The following PCDH15 variants were observed in gnomAD, a reference collection of about 807,000 sequenced individuals.
PCDH15 encodes the protein protocadherin related 15.
Under a neutral mutation model 178.5 loss-of-function variants are expected in PCDH15, and 129 were observed. The ratio of observed to expected loss-of-function variants is 0.72; its 90% confidence interval spans 0.63 to 0.84. The LOEUF (loss-of-function observed/expected upper bound fraction) is 0.84, where lower values mean the gene tolerates loss of function less well. PCDH15 is among the 40% of genes least tolerant of loss of function. The pLI is 0.00. For synonymous variants in PCDH15, 800 were observed against 732.0 expected, an observed-to-expected ratio of 1.09 and a Z score of -1.50; for missense variants, 2,230 against 2,099.9, an observed-to-expected ratio of 1.06 and a Z score of -1.21.
intron 20 of PCDH15, among the ~76,000 whole-genome samples, chr10:54,004,907 T>A (rs2092328455): frequency 6.7e-6 from 1 of 148,348 alleles, no homozygotes; most frequent in African/African-American, 2.5e-5. Flanking sequence ...TGACTTTAAA[T>A]AATATTACAG....
At chr10:55,034,682 T>C (rs1349507303) in intron 2 of PCDH15, among the ~76,000 whole-genome samples, 1 of 152,176 alleles carries the variant, frequency 6.6e-6, no homozygotes, top group Non-Finnish European at 1.5e-5. Flanking sequence ...AAATAAAATA[T>C]GTCATTTACA....
chr10:53,933,507 C>T (rs573379178), intron 25 of PCDH15, among the ~76,000 whole-genome samples: 152 of 152,096 alleles, frequency 1.0e-3, no homozygotes, highest in African/African-American at 3.6e-3. Context: ...ATGAACTCAT[C>T]CTTTTTTATG....
intron 1 of PCDH15, among the ~76,000 whole-genome samples, chr10:55,173,105 C>CA (rs1302350304): frequency 1.3e-5 from 2 of 151,112 alleles, no homozygotes; most frequent in Non-Finnish European, 2.9e-5. Context: ...ATCAATTCTG[C>CA]AAAAAATTGA....
At chr10:54,547,894 T>C (rs990060379) in intron 2 of PCDH15, among the ~76,000 whole-genome samples, 1 of 151,944 alleles carries the variant, frequency 6.6e-6, no homozygotes, top group African/African-American at 2.4e-5. Context: ...ATTTTCTCAG[T>C]TACCAGCAAT....
chr10:54,451,836 T>C lies in PCDH15; in HGVS notation c.158-72894A>G, dbSNP rs2076500565. ...ATTTTATCAAGCTGAAAACTGATTATGCAACTTTTTGTAAGTACAGAGCAA... is the reference window on the plus strand; with the variant it reads ...ATTTTATCAAGCTGAAAACTGATTACGCAACTTTTTGTAAGTACAGAGCAA... On this transcript the variant is annotated intron_variant, in intron 3 of 37. Transcript: ENST00000644397. 2.0e-5 allele frequency among the ~76,000 whole-genome samples: 3 copies of C among 151,986 alleles called. 1 individual carries two copies. The South Asian group carries it at 6.2e-4, about 31-fold the overall frequency.
chr10:54,262,440 C>A (rs907851557), intron 8 of PCDH15, among the ~76,000 whole-genome samples: 2 of 152,146 alleles, frequency 1.3e-5, no homozygotes, highest in African/African-American at 4.8e-5. Flanking sequence ...GTGTCCACAG[C>A]ACAACATCCA....
At chr10:54,521,544 T>G (rs1316430565) in intron 3 of PCDH15, among the ~76,000 whole-genome samples, 1 of 152,198 alleles carries the variant, frequency 6.6e-6, no homozygotes, top group African/African-American at 2.4e-5. Context: ...TATTGAATCT[T>G]CCCTCTTTAT....
rs11004909 is a variant in PCDH15 at position 55,560,194 on chromosome 10, T to C, written c.-156+67431A>G. Among the ~76,000 whole-genome samples, 889 of 151,914 alleles carry C rather than the reference T, an allele frequency of 5.9e-3. 3 individuals are homozygous for C. The highest frequency in any genetic ancestry group is 0.014 in the Middle Eastern group (4 of 294). On this transcript the variant is annotated intron_variant, in intron 2 of 5. Transcript: ENST00000613346. Reference sequence around the variant, plus strand: ...AGGTCCAGGAAAAAATGTATAGTGATTTTCCCCTCAGCCAGTAGAGGACAT... The same window carrying C: ...AGGTCCAGGAAAAAATGTATAGTGACTTTCCCCTCAGCCAGTAGAGGACAT...
intron 1 of PCDH15, among the ~76,000 whole-genome samples, chr10:55,174,052 A>T (rs903424022): frequency 3.3e-5 from 5 of 152,342 alleles, no homozygotes; most frequent in Non-Finnish European, 5.9e-5. Flanking sequence ...GATCTTTGCT[A>T]TAAAAGTAGA....
chr10:55,565,292 C>A (rs775848431), intron 2 of PCDH15, among the ~76,000 whole-genome samples: 1 of 151,410 alleles, frequency 6.6e-6, no homozygotes, highest in East Asian at 2.0e-4. Context: ...ACAAGTATTT[C>A]GAAATAAATG....
chr10:54,377,849 T>C (rs774470783), intron 4 of PCDH15, among the ~76,000 whole-genome samples: 11 of 152,140 alleles, frequency 7.2e-5, no homozygotes, highest in Admixed American at 2.0e-4. Context: ...AAAGTTACTT[T>C]AGAGAGCTAC....
At chr10:54,754,493 C>T (rs1369588372) in intron 1 of PCDH15, among the ~76,000 whole-genome samples, 1 of 151,972 alleles carries the variant, frequency 6.6e-6, no homozygotes, top group Non-Finnish European at 1.5e-5. Context: ...CATTAATATG[C>T]CGACACACAT....
At chr10:54,710,042 ATACT>A (rs2132344040) in intron 1 of PCDH15, among the ~76,000 whole-genome samples, 1 of 151,674 alleles carries the variant, frequency 6.6e-6, no homozygotes, top group Non-Finnish European at 1.5e-5. Context: ...TCCTGCATAT[ATACT>A]TAAATAAAAA....
chr10:54,699,333 T>C (rs1239472648), intron 1 of PCDH15, among the ~76,000 whole-genome samples: 1 of 152,102 alleles, frequency 6.6e-6, no homozygotes, highest in Non-Finnish European at 1.5e-5. Context: ...AGAAAATGTT[T>C]GCCACATTTC....
intron 25 of PCDH15, among the ~76,000 whole-genome samples, chr10:53,912,862 C>T (rs1017357641): frequency 2.0e-5 from 3 of 152,186 alleles, no homozygotes; most frequent in Admixed American, 6.5e-5. Flanking sequence ...AATGGCCATA[C>T]TGCCCAAGGT....
chr10:55,324,320 C>A (rs1035052418), upstream of PCDH15, among the ~76,000 whole-genome samples: 2 of 152,026 alleles, frequency 1.3e-5, no homozygotes, highest in Non-Finnish European at 2.9e-5. Context: ...AAGCAAGACC[C>A]AACTGTATGC....
At chr10:54,308,336 T>C (rs2060679631) in intron 8 of PCDH15, among the ~76,000 whole-genome samples, 1 of 152,128 alleles carries the variant, frequency 6.6e-6, no homozygotes, top group African/African-American at 2.4e-5. Context: ...ACAAACTCCT[T>C]AACAAGAAGA....
chr10:55,127,037 C>T lies in PCDH15; in HGVS notation c.-80+39539G>A, dbSNP rs141463125. ...CACACACAAAAACTAGTAGAACATA[C>T]TTCAAATATCACTCTGACAATGCTT... On this transcript the variant is annotated intron_variant, in intron 2 of 5. Coordinates refer to the PCDH15 transcript ENST00000458638. 1.1e-4 allele frequency among the ~76,000 whole-genome samples: 16 copies of T among 152,146 alleles called. No homozygotes were observed. The South Asian group carries it at 2.9e-3, about 28-fold the overall frequency.
At chr10:54,518,752 CA>C (rs746767393) in intron 3 of PCDH15, among the ~76,000 whole-genome samples, 3 of 152,064 alleles carry the variant, frequency 2.0e-5, no homozygotes, top group East Asian at 3.9e-4. Context: ...GGCAGAGACG[CA>C]ACCAAAAAAG....
Sources: allele counts gnomAD v4.1 joint callset (sites outside exome capture counted in the v4.1 genomes callset), GRCh38; gene constraint gnomAD v4.1.1; transcripts MANE v1.5; gene names NCBI Gene and HGNC (gene_info 2026-07-23, HGNC 2026-07-21).